Variants in WWOX observed in about 807,000 individuals in gnomAD.
The protein encoded by WWOX is WW domain-containing oxidoreductase.
WWOX carries 69 observed loss-of-function variants against 46.2 expected under a neutral mutation model. That is an observed-to-expected ratio of 1.49 (90% CI 1.23 to 1.82). The LOEUF (loss-of-function observed/expected upper bound fraction) is 1.82. WWOX is among the 40% of genes most tolerant of loss of function. The pLI is 0.00. For missense variants in WWOX, 919 were observed against 542.6 expected (o/e 1.69, Z -6.89); for synonymous variants, 359 against 202.6 (o/e 1.77, Z -6.56).
intron 8 of WWOX, among the ~76,000 whole-genome samples, chr16:78,589,217 G>C (rs1228398615): frequency 6.6e-6 from 1 of 152,188 alleles, no homozygotes; most frequent in African/African-American, 2.4e-5. Flanking sequence ...ATTGCGGTAA[G>C]TGCTCAGGAG....
chr16:79,015,506 T>C lies in WWOX; in HGVS notation c.1057-196102T>C, dbSNP rs539638672. 2.8e-4 allele frequency among the ~76,000 whole-genome samples: 42 copies of C among 152,280 alleles called. 1 individual carries two copies. Among genetic ancestry groups the C allele is most frequent in the African/African-American group, 1.0e-3 (42 of 41,556 alleles). On this transcript the variant is annotated intron_variant, in intron 8 of 8. Coordinates refer to ENST00000566780, the MANE Select transcript of WWOX (RefSeq NM_016373.4). ...CAATAAACTATAACGTCTTTATTTC[T>C]TTTCCTTCCAATGAGAAGTCACTTC...
chr16:79,064,805 T>C (rs2048413262), intron 8 of WWOX, among the ~76,000 whole-genome samples: 1 of 152,164 alleles, frequency 6.6e-6, no homozygotes, highest in African/African-American at 2.4e-5. Flanking sequence ...AGGATGCAAA[T>C]AAGCTTAACT....
chr16:78,386,759 A>G lies in WWOX; in HGVS notation c.517-101A>G. On this transcript the variant is annotated intron_variant, in intron 5 of 8. Coordinates refer to ENST00000566780, the MANE Select transcript of WWOX (RefSeq NM_016373.4). ...TCTCTCTGGGCGTCTTATATTAAAC[A>G]GGGGAATTCCGACATGTTCCATAAC... is the stretch of plus-strand genomic sequence containing the variant. 2 of 1,043,192 alleles carry G rather than the reference A, an allele frequency of 1.9e-6. 1 individual carries two copies. Among genetic ancestry groups the G allele is most frequent in the South Asian group, 2.6e-5 (2 of 77,634 alleles). 64.6% of individuals were successfully genotyped at this position (1,043,192 alleles called of 1,614,324 possible). A position where few individuals can be genotyped will look rare whatever the true frequency, so the allele number is the denominator to read the frequency against.
intron 8 of WWOX, among the ~76,000 whole-genome samples, chr16:78,681,161 A>T (rs2047719816): frequency 6.6e-6 from 1 of 152,198 alleles, no homozygotes; most frequent in Non-Finnish European, 1.5e-5. Flanking sequence ...AGGCAGGAGA[A>T]TCACTTGAAC....
chr16:78,998,855 A>G (rs1055896282), intron 8 of WWOX, among the ~76,000 whole-genome samples: 2 of 152,222 alleles, frequency 1.3e-5, no homozygotes, highest in South Asian at 2.1e-4. Flanking sequence ...ATCTGAACAC[A>G]TCTCAAAGTT....
intron 1 of WWOX, chr16:78,100,263 T>C (rs2031677240): frequency 9.0e-7 from 1 of 1,108,872 alleles, no homozygotes; most frequent in Non-Finnish European, 1.1e-6. Context: ...TGTTTTGTTT[T>C]GTTTTGTCCA....
intron 5 of WWOX, among the ~76,000 whole-genome samples, chr16:78,233,565 T>G (rs2037340253): frequency 6.7e-6 from 1 of 148,878 alleles, no homozygotes; most frequent in African/African-American, 2.5e-5. Context: ...CTTGCTCTTT[T>G]GCCCAGGCTG....
At chr16:78,932,053 G>A (rs1427712923) in intron 8 of WWOX, among the ~76,000 whole-genome samples, 1 of 152,226 alleles carries the variant, frequency 6.6e-6, no homozygotes, top group African/African-American at 2.4e-5. Context: ...TCCCAGCCAT[G>A]TGGAACTGTG....
chr16:78,977,259 G>T (rs892068127), intron 8 of WWOX, among the ~76,000 whole-genome samples: 1 of 152,226 alleles, frequency 6.6e-6, no homozygotes, highest in Non-Finnish European at 1.5e-5. Context: ...GCCTGATGGT[G>T]TTTGTCAGAG....
At chr16:78,566,692 G>C (rs1398798607) in intron 8 of WWOX, among the ~76,000 whole-genome samples, 2 of 152,182 alleles carry the variant, frequency 1.3e-5, no homozygotes, top group Non-Finnish European at 2.9e-5. Flanking sequence ...GTGCAGTCAG[G>C]AGATTGGAAA....
intron 8 of WWOX, among the ~76,000 whole-genome samples, chr16:78,452,078 C>T (rs925949194): frequency 6.6e-6 from 1 of 152,064 alleles, no homozygotes; most frequent in Non-Finnish European, 1.5e-5. Flanking sequence ...TGTTAGATCC[C>T]TTTTTTGGAA....
chr16:78,144,429 C>CTATATATATATATATACGTA lies in WWOX; in HGVS notation c.410-19738_410-19737insCGTATATATATATATATATA, dbSNP rs1300458731. ...GGTGCAAACGTGGTTTTTGCCATTA[C>CTATATATATATATATACGTA]TATATATATATATATATACACATAT... On this transcript the variant is annotated intron_variant, in intron 4 of 8. Coordinates refer to ENST00000566780, the MANE Select transcript of WWOX (RefSeq NM_016373.4). Among the ~76,000 whole-genome samples the CTATATATATATATATACGTA allele has an allele frequency of 6.9e-3, 106 of 15,366 alleles. 16 individuals are homozygous for CTATATATATATATATACGTA. The highest frequency in any genetic ancestry group is 8.7e-3 in the African/African-American group (32 of 3,664). 10.1% of individuals were successfully genotyped at this position (15,366 alleles called of 152,430 possible).
intron 8 of WWOX, among the ~76,000 whole-genome samples, chr16:78,439,850 T>A (rs2083408062): frequency 6.6e-6 from 1 of 152,224 alleles, no homozygotes; most frequent in Admixed American, 6.5e-5. Context: ...AGATGGCTTC[T>A]GTGGTGCCAG....
chr16:78,904,461 T>A (rs1397918840), intron 8 of WWOX, among the ~76,000 whole-genome samples: 1 of 151,910 alleles, frequency 6.6e-6, no homozygotes, highest in African/African-American at 2.4e-5. Context: ...ATGGTCTTCT[T>A]CTCTTGACCT....
chr16:78,549,047 T>C (rs1315853220), intron 8 of WWOX, among the ~76,000 whole-genome samples: 11 of 152,166 alleles, frequency 7.2e-5, no homozygotes, highest in Non-Finnish European at 1.2e-4. Context: ...ATAATAAATA[T>C]TTGAACTTAT....
At chr16:78,526,991 C>T (rs532327861) in intron 8 of WWOX, among the ~76,000 whole-genome samples, 1 of 152,186 alleles carries the variant, frequency 6.6e-6, no homozygotes, top group African/African-American at 2.4e-5. Flanking sequence ...ATGGTGAAAC[C>T]CCATCTCTAC....
At chr16:78,387,558 G>C (rs572331628) in intron 6 of WWOX, among the ~76,000 whole-genome samples, 1 of 152,182 alleles carries the variant, frequency 6.6e-6, no homozygotes, top group South Asian at 2.1e-4. Flanking sequence ...TAACAGAGAA[G>C]GTTGTAGGAG....
At chr16:78,864,740 T>A (rs1414499707) in intron 8 of WWOX, among the ~76,000 whole-genome samples, 1 of 150,064 alleles carries the variant, frequency 6.7e-6, no homozygotes, top group African/African-American at 2.5e-5. Flanking sequence ...TGTGTGGCTA[T>A]TTTTCTCCAA....
chr16:78,254,397 T>A (rs912004350), intron 5 of WWOX, among the ~76,000 whole-genome samples: 1 of 151,508 alleles, frequency 6.6e-6, no homozygotes, highest in Admixed American at 6.6e-5. Flanking sequence ...ATTCTTCTCT[T>A]GATCATTAAT....
Sources: allele counts gnomAD v4.1 joint callset (sites outside exome capture counted in the v4.1 genomes callset), GRCh38; gene constraint gnomAD v4.1.1; transcripts MANE v1.5; gene names NCBI Gene and HGNC (gene_info 2026-07-23, HGNC 2026-07-21).